Variants in CNTFR observed in about 807,000 individuals in gnomAD.
The protein encoded by CNTFR is ciliary neurotrophic factor receptor.
CNTFR carries 12 observed loss-of-function variants against 40.4 expected under a neutral mutation model. The ratio of observed to expected loss-of-function variants is 0.30; its 90% confidence interval spans 0.19 to 0.48. The LOEUF (loss-of-function observed/expected upper bound fraction) is 0.48. Ranked by LOEUF, CNTFR falls within the 20% of genes least tolerant of loss-of-function variation. CNTFR has a pLI of 0.99. For synonymous variants in CNTFR, 202 were observed against 209.6 expected, an observed-to-expected ratio of 0.96 and a Z score of 0.31; for missense variants, 414 against 506.8, an observed-to-expected ratio of 0.82 and a Z score of 1.76.
intron 7 of CNTFR, among the ~76,000 whole-genome samples, chr9:34,553,413 T>C (rs530718126): frequency 3.7e-4 from 57 of 152,294 alleles, no homozygotes; most frequent in African/African-American, 1.3e-3. Flanking sequence ...TAAAACGGCA[T>C]TCATGAGAGT....
In CNTFR at chr9:34,557,865, A is replaced by G. The variant is rs1301475217; in HGVS notation, c.437+2T>C. 6.4e-7 allele frequency: 1 copy of G among 1,560,604 alleles called. No individual in the cohort carries two copies. The highest frequency in any genetic ancestry group is 8.7e-7 in the Non-Finnish European group (1 of 1,151,528). On this transcript the variant is annotated splice_donor_variant, in intron 5 of 9. Coordinates refer to ENST00000378980, the MANE Select transcript of CNTFR (RefSeq NM_147164.3). LOFTEE classifies it high-confidence loss of function. The surrounding 1 kb of genome is among the most constrained non-coding windows in gnomAD (Gnocchi z 4.2). ...ACCCGGGTCACAGGCGCAGCTACTC[A>G]CAGCACAGTCACATTGAAGGTGTTG...
chr9:34,572,151 C>T (rs368909743), intron 2 of CNTFR, among the ~76,000 whole-genome samples: 2 of 152,082 alleles, frequency 1.3e-5, no homozygotes, highest in Admixed American at 6.5e-5. Context: ...GGGTAAAACC[C>T]CATCTCTGCC....
At chr9:34,555,917 C>T (rs1316508738) in intron 7 of CNTFR, among the ~76,000 whole-genome samples, 1 of 136,698 alleles carries the variant, frequency 7.3e-6, no homozygotes, top group Non-Finnish European at 1.6e-5. Context: ...TCTCCCTCCC[C>T]TGCCATCTCC....
intron 2 of CNTFR, chr9:34,571,436 G>A (rs1826632746): frequency 6.6e-6 from 1 of 152,396 alleles, no homozygotes; most frequent in African/African-American, 2.4e-5. Flanking sequence ...AGCAGGCGGA[G>A]TGGCTGAGGT....
intron 3 of CNTFR, among the ~76,000 whole-genome samples, chr9:34,565,658 AC>A (rs940427155): frequency 1.3e-5 from 2 of 151,710 alleles, no homozygotes; most frequent in Non-Finnish European, 2.9e-5. Context: ...CCAAAAGCAA[AC>A]CCCAGCCCTG....
At chr9:34,571,378 C>T (rs1826627364) in intron 2 of CNTFR, 1 of 152,414 alleles carries the variant, frequency 6.6e-6, no homozygotes, top group Non-Finnish European at 1.5e-5. Flanking sequence ...AGTGCCAGGC[C>T]ACTGCCCACC....
intron 2 of CNTFR, among the ~76,000 whole-genome samples, chr9:34,570,447 A>T (rs1826544706): frequency 6.6e-6 from 1 of 152,242 alleles, no homozygotes; most frequent in African/African-American, 2.4e-5. Context: ...GTCGGCGACA[A>T]AGCCAGAGAG....
At chr9:34,561,488 T>C (rs1826074266) in intron 4 of CNTFR, among the ~76,000 whole-genome samples, 1 of 152,158 alleles carries the variant, frequency 6.6e-6, no homozygotes, top group Admixed American at 6.5e-5. Flanking sequence ...TGGGGGGTCC[T>C]TCCGTCATCC....
intron 2 of CNTFR, among the ~76,000 whole-genome samples, chr9:34,573,003 G>A (rs1267902812): frequency 1.3e-5 from 2 of 152,176 alleles, no homozygotes; most frequent in African/African-American, 4.8e-5. Context: ...CAGCAATACT[G>A]GCAGCCCTGA....
At chr9:34,577,624 C>T (rs887689858) in intron 2 of CNTFR, among the ~76,000 whole-genome samples, 1 of 151,460 alleles carries the variant, frequency 6.6e-6, no homozygotes, top group Non-Finnish European at 1.5e-5. Context: ...GATGTCACCC[C>T]CACACGCTGG....
intron 7 of CNTFR, among the ~76,000 whole-genome samples, chr9:34,555,473 G>A (rs995372820): frequency 6.6e-6 from 1 of 152,034 alleles, no homozygotes; most frequent in Admixed American, 6.5e-5. Context: ...CGACCCTATG[G>A]GCCCAGGGCC....
chr9:34,553,205 G>A (rs1825707203), intron 7 of CNTFR, among the ~76,000 whole-genome samples: 1 of 152,258 alleles, frequency 6.6e-6, no homozygotes, highest in African/African-American at 2.4e-5. Context: ...CCCGACCACA[G>A]TCCCAGCCTG....
chr9:34,559,948 C>T (rs750983013), intron 4 of CNTFR, among the ~76,000 whole-genome samples: 1 of 152,088 alleles, frequency 6.6e-6, no homozygotes. Flanking sequence ...CTCCCCCTCA[C>T]GCCAGTTCCT....
intron 1 of CNTFR, chr9:34,582,792 T>G (rs993634991): frequency 6.6e-6 from 1 of 151,058 alleles, no homozygotes; most frequent in Non-Finnish European, 1.5e-5. Context: ...ATGAGAGAGA[T>G]AGCTGGAAAA....
chr9:34,573,996 T>G (rs1014616266), intron 2 of CNTFR, among the ~76,000 whole-genome samples: 1 of 152,014 alleles, frequency 6.6e-6, no homozygotes, highest in Admixed American at 6.5e-5. Context: ...CTGGAAGAGA[T>G]AGTCAGGGCA....
intron 2 of CNTFR, chr9:34,569,806 C>T (rs1292288234): frequency 6.6e-6 from 1 of 152,252 alleles, no homozygotes; most frequent in Non-Finnish European, 1.5e-5. Context: ...CCCTAGGAGC[C>T]TGGGACCCCC....
chr9:34,566,376 G>A (rs891153692), intron 3 of CNTFR, among the ~76,000 whole-genome samples: 19 of 152,158 alleles, frequency 1.2e-4, no homozygotes, highest in South Asian at 2.1e-4. Flanking sequence ...GGGACCAGCC[G>A]AACAGACGAT....
intron 4 of CNTFR, among the ~76,000 whole-genome samples, chr9:34,559,759 G>A (rs887291495): frequency 9.9e-5 from 15 of 152,204 alleles, no homozygotes; most frequent in African/African-American, 3.6e-4. Flanking sequence ...TGCCACCGCT[G>A]GGGGTGGGGT....
At chr9:34,568,835 C>A (rs1826432710) in intron 3 of CNTFR, 62 bp downstream of exon 3, 4 of 1,418,348 alleles carry the variant, frequency 2.8e-6, no homozygotes, top group African/African-American at 2.8e-5. Flanking sequence ...GCAGCTATGC[C>A]AGTGAGGGTT....
Sources: gnomAD v4.1 joint callset for allele counts (sites outside exome capture counted in the v4.1 genomes callset) on GRCh38, gnomAD v4.1.1 for gene constraint, Gnocchi (gnomAD v3.1) non-coding constraint, MANE v1.5 for transcripts, NCBI Gene and HGNC (gene_info 2026-07-23, HGNC 2026-07-21) for gene names.